Variants in HMGCLL1 observed in about 807,000 individuals in gnomAD.
The protein encoded by HMGCLL1 is 3-hydroxymethyl-3-methylglutaryl-CoA lyase, cytoplasmic.
Under a neutral mutation model 39.1 loss-of-function variants are expected in HMGCLL1, and 36 were observed. The observed-to-expected ratio is 0.92, with a 90% CI of 0.71 to 1.22. The LOEUF is 1.22. HMGCLL1 is among the 50% of genes most tolerant of loss of function. The pLI is 0.00. For missense variants in HMGCLL1, 451 were observed against 416.5 expected (o/e 1.08, Z -0.72); for synonymous variants, 149 against 144.0 (o/e 1.03, Z -0.25).
the HMGCLL1 span, among the ~76,000 whole-genome samples, chr6:55,627,918 TATAATATATATAC>T: frequency 3.4e-4 from 1 of 2,978 alleles, no homozygotes; most frequent in Non-Finnish European, 5.6e-4. Flanking sequence ...ACTATATATA[TATAATATATATAC>T]TATATATATA....
chr6:55,661,557 T>G, the HMGCLL1 span, among the ~76,000 whole-genome samples: 3 of 152,004 alleles, frequency 2.0e-5, no homozygotes, highest in South Asian at 6.2e-4. Context: ...CTCTATTCTG[T>G]TTCATTGGTA....
intron 7 of HMGCLL1, among the ~76,000 whole-genome samples, chr6:55,460,221 T>A (rs1041834479): frequency 1.3e-5 from 2 of 151,968 alleles, no homozygotes; most frequent in African/African-American, 4.8e-5. Context: ...TCACTAAGGA[T>A]AACAAATGTA....
the HMGCLL1 span, among the ~76,000 whole-genome samples, chr6:55,629,885 A>G: frequency 1.3e-5 from 2 of 152,172 alleles, no homozygotes; most frequent in African/African-American, 4.8e-5. Context: ...CAGAGGATGT[A>G]TGGAAATGCC....
the HMGCLL1 span, among the ~76,000 whole-genome samples, chr6:55,621,804 A>T: frequency 6.6e-6 from 1 of 152,122 alleles, no homozygotes; most frequent in Non-Finnish European, 1.5e-5. Flanking sequence ...CAGGTCTTAG[A>T]GGACAGGCTT....
intron 7 of HMGCLL1, among the ~76,000 whole-genome samples, chr6:55,481,929 A>C (rs1348490192): frequency 6.6e-6 from 1 of 152,104 alleles, no homozygotes; most frequent in East Asian, 1.9e-4. Flanking sequence ...TTTCAAGTTA[A>C]ATGCTCAAGA....
In HMGCLL1 at chr6:55,579,125, G is replaced by A. The variant is rs1771918640; in HGVS notation, c.-70C>T. ...GAGGATGAGGGGCGGGCACCGCGCT[G>A]GGAAACTGCGCCAGCTCGGGAGCGC... is the stretch of plus-strand genomic sequence containing the variant. On this transcript the variant is annotated 5_prime_UTR_variant, in exon 1 of 9. Coordinates refer to ENST00000274901, the MANE Select transcript of HMGCLL1 (RefSeq NM_001042406.2). 1 of 1,190,782 alleles carries A rather than the reference G, an allele frequency of 8.4e-7. No homozygotes were observed. The highest frequency in any genetic ancestry group is 1.5e-5 in the African/African-American group (1 of 66,140). The allele number at this position is 1,190,782 out of a possible 1,614,324, so 73.8% of individuals were successfully genotyped here.
At chr6:55,474,803 A>C (rs1765213816) in intron 7 of HMGCLL1, among the ~76,000 whole-genome samples, 1 of 151,530 alleles carries the variant, frequency 6.6e-6, no homozygotes, top group African/African-American at 2.4e-5. Context: ...GGTTGCATTT[A>C]ATGTTTGCTG....
At chr6:55,498,239 C>A (rs1766689420) in intron 6 of HMGCLL1, among the ~76,000 whole-genome samples, 1 of 151,252 alleles carries the variant, frequency 6.6e-6, no homozygotes. Context: ...TGGAGGTATT[C>A]TTAAAAAATA....
At chr6:55,570,860 T>C (rs369849846) in intron 1 of HMGCLL1, among the ~76,000 whole-genome samples, 3 of 152,188 alleles carry the variant, frequency 2.0e-5, no homozygotes, top group East Asian at 1.9e-4. Context: ...CTTTAATGGA[T>C]TCACAGTTCC....
chr6:55,592,881 G>C, the HMGCLL1 span, among the ~76,000 whole-genome samples: 1 of 152,096 alleles, frequency 6.6e-6, no homozygotes, highest in Non-Finnish European at 1.5e-5. Context: ...AAGAGAGCCA[G>C]AATTCAAACC....
At chr6:55,484,149 TA>T (rs1765883700) in intron 7 of HMGCLL1, among the ~76,000 whole-genome samples, 1 of 152,144 alleles carries the variant, frequency 6.6e-6, no homozygotes, top group Non-Finnish European at 1.5e-5. Flanking sequence ...TTTCTAAGCA[TA>T]ACTCCAAAAG....
intron 5 of HMGCLL1, among the ~76,000 whole-genome samples, chr6:55,510,937 A>G (rs1008624803): frequency 6.6e-6 from 1 of 151,816 alleles, no homozygotes; most frequent in Non-Finnish European, 1.5e-5. Flanking sequence ...AAGAGTGAGC[A>G]TGTGATTAAT....
At chr6:55,562,162 A>G (rs1174643728) in intron 1 of HMGCLL1, among the ~76,000 whole-genome samples, 1 of 152,182 alleles carries the variant, frequency 6.6e-6, no homozygotes, top group Non-Finnish European at 1.5e-5. Flanking sequence ...GAAAAGGATC[A>G]AAGTTTTAAA....
In HMGCLL1 at chr6:55,559,828, G is replaced by A. The variant is rs538905499; in HGVS notation, c.109-17688C>T. On this transcript the variant is annotated intron_variant, in intron 1 of 8. Coordinates refer to ENST00000274901, the MANE Select transcript of HMGCLL1 (RefSeq NM_001042406.2). Reference sequence around the variant, plus strand: ...GAAGAACACTGGCTTCCATAATGCTGCCTTACCTTTCTCTGTAATTTCTCA... The same window carrying A: ...GAAGAACACTGGCTTCCATAATGCTACCTTACCTTTCTCTGTAATTTCTCA... Among the ~76,000 whole-genome samples the A allele has an allele frequency of 4.6e-5, 7 of 152,288 alleles. No homozygotes were observed. In the South Asian group the frequency reaches 1.4e-3, roughly 32 times the overall value.
At chr6:55,621,005 A>G in the HMGCLL1 span, among the ~76,000 whole-genome samples, 5 of 151,904 alleles carry the variant, frequency 3.3e-5, no homozygotes, top group East Asian at 1.9e-4. Flanking sequence ...TGCCACTACC[A>G]TGCTGTTTTG....
At chr6:55,515,765 T>C (rs560189079) in intron 4 of HMGCLL1, among the ~76,000 whole-genome samples, 4 of 152,216 alleles carry the variant, frequency 2.6e-5, no homozygotes, top group African/African-American at 9.6e-5. Context: ...TTTTATCAAA[T>C]CAAACCCAAG....
the HMGCLL1 span, among the ~76,000 whole-genome samples, chr6:55,609,787 C>A: frequency 2.0e-5 from 3 of 152,078 alleles, no homozygotes; most frequent in Non-Finnish European, 4.4e-5. Flanking sequence ...GGCATCATGT[C>A]GGTGCCCCTT....
At chr6:55,613,386 C>T in the HMGCLL1 span, among the ~76,000 whole-genome samples, 4 of 152,062 alleles carry the variant, frequency 2.6e-5, no homozygotes, top group South Asian at 2.1e-4. Flanking sequence ...GACAGTGTGG[C>T]GATTCCTCAA....
the HMGCLL1 span, among the ~76,000 whole-genome samples, chr6:55,664,704 T>G: frequency 1.3e-5 from 2 of 151,728 alleles, no homozygotes; most frequent in Non-Finnish European, 2.9e-5. Flanking sequence ...TGCCTTTGGC[T>G]CAAGGTCTCT....
Sources: allele counts gnomAD v4.1 joint callset (sites outside exome capture counted in the v4.1 genomes callset), GRCh38; gene constraint gnomAD v4.1.1; transcripts MANE v1.5; gene names NCBI Gene and HGNC (gene_info 2026-07-23, HGNC 2026-07-21).